Variants in THSD7B observed in about 807,000 individuals in gnomAD.
THSD7B encodes the protein thrombospondin type-1 domain-containing protein 7B.
In THSD7B, 138 loss-of-function variants were observed where a neutral mutation model predicts 213.6. The observed-to-expected ratio is 0.65, with a 90% CI of 0.56 to 0.74. The LOEUF is 0.74. Ranked by LOEUF, THSD7B falls within the 30% of genes least tolerant of loss-of-function variation. THSD7B has a pLI of 0.00. For missense variants in THSD7B, 1,931 were observed against 1,991.5 expected (o/e 0.97, Z 0.58); for synonymous variants, 742 against 687.0 (o/e 1.08, Z -1.25).
At position 137,057,092 on chromosome 2, in the gene THSD7B, C is replaced by G; in HGVS notation, c.812C>G (p.Ser271Cys). Residue 271 changes from serine (S) to cysteine (C), a missense_variant, in exon 3 of 28, where the codon TCT (serine) becomes TGT (cysteine). Transcript: ENST00000409968. ...PSGRTVLDFN[S>C]DSNERVTFKH... ...GGAAGAACTGTTCTGGATTTTAACTCTGATTCAAATGAGCGAGTCACCTTT... is the reference window on the plus strand; with the variant it reads ...GGAAGAACTGTTCTGGATTTTAACTGTGATTCAAATGAGCGAGTCACCTTT... The G allele has an allele frequency of 6.2e-7, 1 of 1,613,936 alleles. No homozygotes were observed. The highest frequency in any genetic ancestry group is 8.5e-7 in the Non-Finnish European group (1 of 1,179,888).
chr2:137,554,316 A>G (rs1267165563), intron 15 of THSD7B, among the ~76,000 whole-genome samples: 4 of 152,106 alleles, frequency 2.6e-5, no homozygotes, highest in Admixed American at 2.6e-4. Context: ...CTTGCGAAAA[A>G]TATGCATCAT....
intron 3 of THSD7B, among the ~76,000 whole-genome samples, chr2:137,087,534 G>A (rs549774449): frequency 1.8e-4 from 27 of 152,198 alleles, no homozygotes; most frequent in African/African-American, 6.3e-4. Context: ...ATCAAATCAA[G>A]AACTGAACTC....
intron 20 of THSD7B, among the ~76,000 whole-genome samples, chr2:137,639,425 C>T (rs560891067): frequency 1.3e-5 from 2 of 152,178 alleles, no homozygotes; most frequent in African/African-American, 4.8e-5. Flanking sequence ...AGGGGCAGGG[C>T]CCTCATGGAA....
chr2:136,844,933 C>T (rs932814604), intron 1 of THSD7B, among the ~76,000 whole-genome samples: 1 of 152,242 alleles, frequency 6.6e-6, no homozygotes, highest in Non-Finnish European at 1.5e-5. Flanking sequence ...AATTGCACTT[C>T]ACTTTCTTTT....
intron 15 of THSD7B, among the ~76,000 whole-genome samples, chr2:137,535,679 G>A (rs1412641628): frequency 1.3e-5 from 2 of 151,680 alleles, no homozygotes; most frequent in Non-Finnish European, 2.9e-5. Context: ...CTTTAATGAA[G>A]TATATATTCA....
intron 1 of THSD7B, among the ~76,000 whole-genome samples, chr2:136,794,366 C>T (rs1260127534): frequency 6.6e-6 from 1 of 151,660 alleles, no homozygotes; most frequent in East Asian, 1.9e-4. Context: ...TTAGGCATTG[C>T]CTTAGTTGCA....
intron 15 of THSD7B, among the ~76,000 whole-genome samples, chr2:137,486,160 G>A (rs1384242266): frequency 2.6e-5 from 4 of 152,110 alleles, no homozygotes; most frequent in Non-Finnish European, 5.9e-5. Context: ...AACTTTAAAT[G>A]TAAATGGACT....
chr2:136,896,746 T>G (rs1182235900), intron 2 of THSD7B, among the ~76,000 whole-genome samples: 1 of 152,074 alleles, frequency 6.6e-6, no homozygotes, highest in African/African-American at 2.4e-5. Context: ...CTAAGTTCAA[T>G]TTTTTACATG....
At chr2:137,069,035 G>A (rs1269634477) in intron 3 of THSD7B, among the ~76,000 whole-genome samples, 1 of 151,924 alleles carries the variant, frequency 6.6e-6, no homozygotes, top group Non-Finnish European at 1.5e-5. Flanking sequence ...AATGTGGTAG[G>A]CAGTTGTATT....
intron 15 of THSD7B, among the ~76,000 whole-genome samples, chr2:137,522,933 C>T (rs1423207435): frequency 1.3e-5 from 2 of 152,192 alleles, no homozygotes; most frequent in Admixed American, 6.5e-5. Context: ...TCTCATTCAT[C>T]TTTAAATATC....
intron 11 of THSD7B, among the ~76,000 whole-genome samples, chr2:137,275,708 A>T (rs1312175687): frequency 1.3e-5 from 2 of 152,120 alleles, no homozygotes; most frequent in Non-Finnish European, 2.9e-5. Context: ...GGGCCAATTC[A>T]AAAACACTGA....
intron 13 of THSD7B, among the ~76,000 whole-genome samples, chr2:137,406,630 C>T (rs1573607312): frequency 6.6e-6 from 1 of 152,278 alleles, no homozygotes; most frequent in South Asian, 2.1e-4. Context: ...GGTTTCAAGA[C>T]CCTTTTGTCT....
intron 3 of THSD7B, among the ~76,000 whole-genome samples, chr2:137,080,168 A>ATG (rs36115074): frequency 0.15 from 21,831 of 148,204 alleles, 1,729 homozygotes; most frequent in South Asian, 0.22. Context: ...ATGTAAATAT[A>ATG]TGTGTGTGTG....
At chr2:137,411,898 G>T in intron 14 of THSD7B, 26 bp downstream of exon 14, 1 of 1,612,184 alleles carries the variant, frequency 6.2e-7, no homozygotes, top group Non-Finnish European at 8.5e-7. Context: ...GAGAGTAACA[G>T]ATGAGAACAC....
At chr2:137,515,743 T>A (rs537684737) in intron 15 of THSD7B, among the ~76,000 whole-genome samples, 256 of 140,710 alleles carry the variant, frequency 1.8e-3, no homozygotes, top group African/African-American at 6.6e-3. Flanking sequence ...TTAGCTGAAA[T>A]ATAGATTAAA....
At chr2:137,627,492 G>T (rs2104848933) in intron 20 of THSD7B, among the ~76,000 whole-genome samples, 1 of 152,348 alleles carries the variant, frequency 6.6e-6, no homozygotes, top group Middle Eastern at 3.4e-3. Context: ...TTTTCTAGAA[G>T]TCCTGATATT....
intron 12 of THSD7B, among the ~76,000 whole-genome samples, chr2:137,373,920 T>C (rs1007629538): frequency 2.6e-5 from 4 of 152,346 alleles, no homozygotes; most frequent in Admixed American, 2.6e-4. Flanking sequence ...CACATATGGC[T>C]AGCCAGTTTT....
At chr2:137,321,197 A>G (rs949084995) in intron 12 of THSD7B, among the ~76,000 whole-genome samples, 1 of 152,206 alleles carries the variant, frequency 6.6e-6, no homozygotes, top group African/African-American at 2.4e-5. Context: ...TTTAGGGGGA[A>G]ACTGAACATA....
chr2:137,373,013 C>T (rs1685567066), intron 12 of THSD7B, among the ~76,000 whole-genome samples: 1 of 152,000 alleles, frequency 6.6e-6, no homozygotes, highest in Non-Finnish European at 1.5e-5. Flanking sequence ...CATGTCCCTA[C>T]AAAGGACATG....
Sources: gnomAD v4.1 joint callset for allele counts (sites outside exome capture counted in the v4.1 genomes callset) on GRCh38, gnomAD v4.1.1 for gene constraint, MANE v1.5 for transcripts, NCBI Gene and HGNC (gene_info 2026-07-23, HGNC 2026-07-21) for gene names.